The following GPC3 variants were observed in gnomAD, a reference collection of about 807,000 sequenced individuals.
The protein encoded by GPC3 is glypican 3, also known as glypican-3.
A neutral mutation model predicts 34.4 loss-of-function variants in GPC3; 3 were observed. The ratio of observed to expected loss-of-function variants is 0.09; its 90% CI spans 0.04 to 0.23. The LOEUF is 0.23. Ranked by LOEUF, GPC3 falls within the 10% of genes least tolerant of loss-of-function variation. The probability of loss-of-function intolerance (pLI) is 1.00; values close to 1 mark genes in which losing one functional copy is unlikely to be tolerated. For missense variants in GPC3, 351 were observed against 445.6 expected, an observed-to-expected ratio of 0.79 and a Z score of 1.91; for synonymous variants, 177 against 174.0, an observed-to-expected ratio of 1.02 and a Z score of -0.13.
intron 3 of GPC3, among the ~76,000 whole-genome samples, chrX:133,749,770 G>A (rs753912834): frequency 4.5e-5 from 5 of 111,326 alleles, no homozygotes; most frequent in Non-Finnish European, 9.4e-5. Context: ...ACATTTTATC[G>A]CAACAGGAAG....
At chrX:133,823,005 T>C (rs1349305189) in intron 2 of GPC3, among the ~76,000 whole-genome samples, 2 of 107,381 alleles carry the variant, frequency 1.9e-5, no homozygotes, top group Admixed American at 1.0e-4. Context: ...GGCGGGTGCC[T>C]GTAATCCCAG....
chrX:133,849,244 G>A (rs2075861635), intron 2 of GPC3, among the ~76,000 whole-genome samples: 1 of 108,776 alleles, frequency 9.2e-6, no homozygotes, highest in Non-Finnish European at 1.9e-5. Flanking sequence ...ACAGGCGCCC[G>A]CCAACACGCC....
intron 6 of GPC3, among the ~76,000 whole-genome samples, chrX:133,608,889 C>T (rs1262585040): frequency 8.9e-6 from 1 of 111,848 alleles, no homozygotes; most frequent in Non-Finnish European, 1.9e-5. Context: ...ACTTGAAAAA[C>T]TCTATTTTGA....
intron 7 of GPC3, among the ~76,000 whole-genome samples, chrX:133,537,619 A>C (rs1159810675): frequency 8.9e-6 from 1 of 111,808 alleles, no homozygotes; most frequent in Non-Finnish European, 1.9e-5. Flanking sequence ...AATTTCCAAA[A>C]GGTCTATTGC....
At chrX:133,606,595 AT>A (rs1253282022) in intron 6 of GPC3, among the ~76,000 whole-genome samples, 2 of 109,199 alleles carry the variant, frequency 1.8e-5, no homozygotes, top group African/African-American at 3.3e-5. Flanking sequence ...ATACTTTTGA[AT>A]TTTTTTTTGT....
chrX:133,673,320 TCTC>T (rs1167705793), intron 5 of GPC3, among the ~76,000 whole-genome samples: 1 of 112,246 alleles, frequency 8.9e-6, no homozygotes, highest in African/African-American at 3.2e-5. Context: ...AGCCCAATGT[TCTC>T]CTCTTACAGA....
chrX:133,976,565 T>C (rs1213280664), intron 1 of GPC3, among the ~76,000 whole-genome samples: 6 of 111,692 alleles, frequency 5.4e-5, no homozygotes, highest in Admixed American at 9.5e-5. Flanking sequence ...TAGGTAAAGC[T>C]ATAGTTAAAA....
At chrX:133,859,601 C>T (rs1378288236) in intron 2 of GPC3, among the ~76,000 whole-genome samples, 1 of 111,524 alleles carries the variant, frequency 9.0e-6, no homozygotes, top group African/African-American at 3.3e-5. Context: ...CGAGTCTGGG[C>T]AGGTTTCAGG....
At chrX:133,621,444 C>T (rs1389350800) in intron 6 of GPC3, among the ~76,000 whole-genome samples, 1 of 111,992 alleles carries the variant, frequency 8.9e-6, no homozygotes, top group Non-Finnish European at 1.9e-5. Context: ...AATCGGGACA[C>T]TCCCACCCTA....
chrX:133,693,353 C>T (rs2071084585), intron 4 of GPC3, among the ~76,000 whole-genome samples: 1 of 111,045 alleles, frequency 9.0e-6, no homozygotes, highest in African/African-American at 3.3e-5. Flanking sequence ...ATGCCTTAGA[C>T]TGGAGAGAAG....
chrX:133,800,624 C>T (rs1163071499), intron 2 of GPC3, among the ~76,000 whole-genome samples: 1 of 111,995 alleles, frequency 8.9e-6, no homozygotes, highest in African/African-American at 3.2e-5. Flanking sequence ...AAACAAAGCA[C>T]ATGTGAATGG....
At chrX:133,636,487 C>T (rs1354940109) in intron 6 of GPC3, among the ~76,000 whole-genome samples, 5 of 111,542 alleles carry the variant, frequency 4.5e-5, no homozygotes, top group African/African-American at 1.6e-4. Flanking sequence ...GCCAACATGG[C>T]GAAACCCTGT....
intron 3 of GPC3, among the ~76,000 whole-genome samples, chrX:133,728,526 T>G (rs2071434145): frequency 8.9e-6 from 1 of 112,403 alleles, no homozygotes; most frequent in Non-Finnish European, 1.9e-5. Context: ...CACCCCCTAC[T>G]CAATATGTTT....
chrX:133,826,765 A>G (rs987425942), intron 2 of GPC3, among the ~76,000 whole-genome samples: 6 of 111,943 alleles, frequency 5.4e-5, no homozygotes, highest in Non-Finnish European at 1.1e-4. Context: ...TTTGAAAAAC[A>G]AAGACAAACA....
At chrX:133,602,939 T>G (rs1258827164) in intron 6 of GPC3, among the ~76,000 whole-genome samples, 1 of 110,799 alleles carries the variant, frequency 9.0e-6, no homozygotes, top group Non-Finnish European at 1.9e-5. Flanking sequence ...TAACAAGTAA[T>G]TCAATGTGTA....
At chrX:133,588,377 A>T (rs2069812612) in intron 7 of GPC3, among the ~76,000 whole-genome samples, 1 of 111,141 alleles carries the variant, frequency 9.0e-6, no homozygotes, top group African/African-American at 3.3e-5. Flanking sequence ...TTCCCATTTA[A>T]AAAAACAAAA....
At chrX:133,568,284 AG>A (rs751653994) in intron 7 of GPC3, among the ~76,000 whole-genome samples, 12 of 111,855 alleles carry the variant, frequency 1.1e-4, no homozygotes, top group Non-Finnish European at 2.3e-4. Context: ...CCATTACTAA[AG>A]GGGTACCTAT....
At chrX:133,812,932 T>C (rs1187348364) in intron 2 of GPC3, among the ~76,000 whole-genome samples, 1 of 112,317 alleles carries the variant, frequency 8.9e-6, no homozygotes, top group East Asian at 2.8e-4. Flanking sequence ...GTGCTACCTG[T>C]TTAAGGCTTC....
At chrX:133,826,362 TA>T (rs1031551171) in intron 2 of GPC3, among the ~76,000 whole-genome samples, 3 of 111,759 alleles carry the variant, frequency 2.7e-5, no homozygotes, top group African/African-American at 6.5e-5. Context: ...AAAGAAAAAC[TA>T]AATAGAAATT....
Sources: gnomAD v4.1 joint callset for allele counts (sites outside exome capture counted in the v4.1 genomes callset) on GRCh38, gnomAD v4.1.1 for gene constraint, MANE v1.5 for transcripts, NCBI Gene and HGNC (gene_info 2026-07-23, HGNC 2026-07-21) for gene names.